Variants in CYB5A observed in about 807,000 individuals in gnomAD.
The protein encoded by CYB5A is cytochrome b5 type A.
CYB5A carries 10 observed loss-of-function variants against 16.2 expected under a neutral mutation model. The ratio of observed to expected loss-of-function variants is 0.62; its 90% confidence interval spans 0.38 to 1.04. The LOEUF is 1.04. Among genes scored for constraint, CYB5A ranks in the 50% least tolerant of loss-of-function variants. The pLI is 0.01. For synonymous variants in CYB5A, 62 were observed against 57.0 expected, an observed-to-expected ratio of 1.09 and a Z score of -0.40; for missense variants, 161 against 165.9, an observed-to-expected ratio of 0.97 and a Z score of 0.16.
rs189134658 is a variant in CYB5A at position 74,277,200 on chromosome 18, C to T, written c.130-13723G>A. The stretch of plus-strand genomic sequence containing the variant: ...AAGATAACAAGATGCCCTGACCAAA[C>T]ATTTCCTATCATTTCTGGATGCTGT... On this transcript the variant is annotated intron_variant, in intron 1 of 4. Transcript: ENST00000340533. Among the ~76,000 whole-genome samples the T allele has an allele frequency of 4.0e-3, 615 of 152,342 alleles. 1 individual carries two copies. The highest frequency in any genetic ancestry group is 0.037 in the South Asian group (178 of 4,834).
intron 1 of CYB5A, chr18:74,290,905 G>T (rs1983506860): frequency 8.2e-6 from 1 of 121,310 alleles, no homozygotes; most frequent in South Asian, 2.5e-4. Flanking sequence ...AGCTGTTAGG[G>T]GCGAGTCCCA....
intron 1 of CYB5A, among the ~76,000 whole-genome samples, chr18:74,271,854 T>A (rs974031397): frequency 2.6e-5 from 4 of 152,166 alleles, no homozygotes; most frequent in African/African-American, 9.7e-5. Flanking sequence ...GAGGCCAACA[T>A]AAAAGCTGAA....
chr18:74,281,743 C>CTGTGTGTGTGTGTG (rs112934460), intron 1 of CYB5A, among the ~76,000 whole-genome samples: 11,853 of 138,654 alleles, frequency 0.085, 596 homozygotes, highest in South Asian at 0.12. Flanking sequence ...TCAAGGGAGG[C>CTGTGTGTGTGTGTG]TGTGTGTGTG....
At chr18:74,266,505 A>G (rs1272650263) in intron 1 of CYB5A, among the ~76,000 whole-genome samples, 1 of 152,250 alleles carries the variant, frequency 6.6e-6, no homozygotes, top group African/African-American at 2.4e-5. Flanking sequence ...CCCTTTATAA[A>G]GAATTGCAGA....
At chr18:74,262,967 C>T (rs1285896706) in intron 2 of CYB5A, among the ~76,000 whole-genome samples, 2 of 151,966 alleles carry the variant, frequency 1.3e-5, no homozygotes, top group Admixed American at 6.6e-5. Context: ...CTGGGCAACA[C>T]GGTGAAACCC....
At chr18:74,272,440 T>C (rs949948623) in intron 1 of CYB5A, among the ~76,000 whole-genome samples, 2 of 152,196 alleles carry the variant, frequency 1.3e-5, no homozygotes, top group African/African-American at 2.4e-5. Context: ...AAAGTAAAGA[T>C]TGCTTTGCTG....
rs762222557 is a variant in CYB5A at position 74,285,240 on chromosome 18, A to G, written c.129+6507T>C. ...GCAAGTCCCTACAACAAAACCTGCT[A>G]GAAAGGACACTCTTGAGACTCCAGA... On this transcript the variant is annotated intron_variant, in intron 1 of 4. Coordinates refer to ENST00000340533, the MANE Select transcript of CYB5A (RefSeq NM_148923.4). Among the ~76,000 whole-genome samples, 3 of 152,220 alleles carry G rather than the reference A, an allele frequency of 2.0e-5. No homozygotes were observed. The South Asian group carries it at 6.2e-4, about 32-fold the overall frequency.
In CYB5A at chr18:74,255,766, T is replaced by A. The variant is rs1046850760; in HGVS notation, c.298A>T (p.Ile100Phe). 5 of 1,612,202 alleles carry A rather than the reference T, an allele frequency of 3.1e-6. No homozygotes were observed. The highest frequency in any genetic ancestry group is 4.2e-6 in the Non-Finnish European group (5 of 1,178,248). ...PKLNKPPETL[I>F]TTIDSSSSWW... ...CTGGAACTAGAATCAATAGTAGTGATAAGAGTTTCCTGAAACACGAGAGGA... is the reference window on the plus strand; with the variant it reads ...CTGGAACTAGAATCAATAGTAGTGAAAAGAGTTTCCTGAAACACGAGAGGA... The change falls in exon 4 of 5, where the codon ATC (isoleucine) becomes TTC (phenylalanine). Residue 100 changes from isoleucine (I) to phenylalanine (F), a missense_variant. Ile to Phe is a conservative substitution (Grantham distance 21). Coordinates refer to ENST00000340533, the MANE Select transcript of CYB5A (RefSeq NM_148923.4).
At chr18:74,287,617 G>A (rs1334680989) in intron 1 of CYB5A, among the ~76,000 whole-genome samples, 1 of 152,104 alleles carries the variant, frequency 6.6e-6, no homozygotes, top group East Asian at 1.9e-4. Flanking sequence ...CAGAATCCCA[G>A]GAACACTAGA....
At chr18:74,282,102 C>T (rs1463967403) in intron 1 of CYB5A, among the ~76,000 whole-genome samples, 1 of 152,172 alleles carries the variant, frequency 6.6e-6, no homozygotes, top group African/African-American at 2.4e-5. Context: ...TCCCTCGATG[C>T]CATTCTTGTG....
intron 1 of CYB5A, among the ~76,000 whole-genome samples, chr18:74,264,017 C>A (rs11151939): frequency 0.72 from 109,250 of 151,994 alleles, 39,427 homozygotes; most frequent in East Asian, 0.88. Flanking sequence ...TCGAGACCAA[C>A]CTGGCCTACA....
chr18:74,253,999 T>C (rs895481322), intron 4 of CYB5A, among the ~76,000 whole-genome samples: 5 of 152,002 alleles, frequency 3.3e-5, no homozygotes, highest in Non-Finnish European at 5.9e-5. Flanking sequence ...GCCAACATAG[T>C]AAAAACCTTC....
intron 1 of CYB5A, among the ~76,000 whole-genome samples, chr18:74,275,977 C>A (rs374003656): frequency 6.6e-6 from 1 of 152,104 alleles, no homozygotes; most frequent in Admixed American, 6.5e-5. Flanking sequence ...TGACCCAGCC[C>A]AGAGGCGTCT....
Position 74,269,172 on chromosome 18 carries a change from T to C in CYB5A, c.130-5695A>G, listed in dbSNP as rs151141808. ...TACACCCCTGCATTGTAAACAGTAA[T>C]GTCGGCTCCCAGCTCCTGTCGCTCC... On this transcript the variant is annotated intron_variant, in intron 1 of 4. Transcript: ENST00000340533. 4.1e-3 allele frequency among the ~76,000 whole-genome samples: 625 copies of C among 152,298 alleles called. 7 individuals are homozygous for C. The highest frequency in any genetic ancestry group is 0.014 in the African/African-American group (594 of 41,554).
intron 1 of CYB5A, among the ~76,000 whole-genome samples, chr18:74,284,204 C>T (rs1467061241): frequency 1.4e-5 from 2 of 142,836 alleles, no homozygotes; most frequent in East Asian, 4.1e-4. Flanking sequence ...TGCACTCCAG[C>T]CTGGGCAACA....
intron 1 of CYB5A, among the ~76,000 whole-genome samples, chr18:74,277,320 A>G (rs1015243997): frequency 2.6e-5 from 4 of 152,190 alleles, no homozygotes; most frequent in Admixed American, 2.0e-4. Context: ...AGGGGCCAGC[A>G]TCTGCATGGG....
intron 1 of CYB5A, among the ~76,000 whole-genome samples, chr18:74,273,465 T>C (rs1982749264): frequency 1.3e-5 from 2 of 152,338 alleles, no homozygotes; most frequent in South Asian, 4.1e-4. Flanking sequence ...CTTTAGACAA[T>C]GCTAACACAG....
chr18:74,255,707 C>G, intron 4 of CYB5A, 34 bp downstream of exon 4: 1 of 1,594,104 alleles, frequency 6.3e-7, no homozygotes, highest in Non-Finnish European at 8.6e-7. Flanking sequence ...AGCCCTCCCA[C>G]CCACTACTGC....
At chr18:74,275,191 C>T (rs1982823209) in intron 1 of CYB5A, among the ~76,000 whole-genome samples, 1 of 152,172 alleles carries the variant, frequency 6.6e-6, no homozygotes, top group South Asian at 2.1e-4. Context: ...TTGTTCATTG[C>T]TCCAATGTCT....
Sources: allele counts gnomAD v4.1 joint callset (sites outside exome capture counted in the v4.1 genomes callset), GRCh38; gene constraint gnomAD v4.1.1; transcripts MANE v1.5; gene names NCBI Gene and HGNC (gene_info 2026-07-23, HGNC 2026-07-21).